The following ROS1 variants were observed in gnomAD, a reference collection of about 807,000 sequenced individuals.
ROS1 encodes the protein ROS proto-oncogene 1, receptor tyrosine kinase.
Under a neutral mutation model 273.5 loss-of-function variants are expected in ROS1, and 263 were observed. The ratio of observed to expected loss-of-function variants is 0.96; its 90% CI spans 0.87 to 1.06. ROS1 has a LOEUF of 1.06. Among genes scored for constraint, ROS1 ranks in the 50% least tolerant of loss-of-function variants. The probability of loss-of-function intolerance (pLI) is 0.00; values close to 1 mark genes in which losing one functional copy is unlikely to be tolerated. For missense variants in ROS1, 2,833 were observed against 2,751.1 expected (o/e 1.03, Z -0.67); for synonymous variants, 1,008 against 954.1 (o/e 1.06, Z -1.04).
At chr6:117,323,771 C>T (rs2128572765) in intron 35 of ROS1, among the ~76,000 whole-genome samples, 1 of 152,192 alleles carries the variant, frequency 6.6e-6, no homozygotes, top group Admixed American at 6.6e-5. Flanking sequence ...TTTCTGCCTT[C>T]CTGGTCATTT....
At chr6:117,314,068 AG>A (rs1339020014) in intron 39 of ROS1, among the ~76,000 whole-genome samples, 3 of 151,900 alleles carry the variant, frequency 2.0e-5, no homozygotes, top group Admixed American at 1.3e-4. Context: ...TTTTTTTTTC[AG>A]TCCATCCTTT....
chr6:117,341,225 A>G lies in ROS1; in HGVS notation c.4971T>C (p.Tyr1657=), dbSNP rs754717204. The change falls in exon 31 of 44, where the codon TAT becomes TAC. Residue 1657 remains tyrosine (Y), a synonymous_variant. Coordinates refer to ENST00000368507, the MANE Select transcript of ROS1 (RefSeq NM_001378902.1). ...AACTAGTGTTCTCTGGAACCAAGGA[A>G]TAAGGTTTCTCTGGTGTGTTAAACA... ...VEMFNTPEKP[Y]SLVPENTSLQ... is the part of the protein sequence containing the mutation. 6.2e-7 allele frequency: 1 copy of G among 1,613,450 alleles called. No individual in the cohort carries two copies. Among genetic ancestry groups the G allele is most frequent in the Non-Finnish European group, 8.5e-7 (1 of 1,179,490 alleles).
intron 31 of ROS1, 133 bp downstream of exon 31, chr6:117,341,002 G>T: frequency 1.6e-6 from 1 of 623,396 alleles, no homozygotes; most frequent in South Asian, 2.3e-5. Context: ...CACTGCTTCT[G>T]CATGCCAAAC....
rs145788522 is a variant in ROS1 at position 117,341,210 on chromosome 6, C to A, written c.4986G>T (p.Glu1662Asp). The A allele has an allele frequency of 6.2e-7, 1 of 1,613,494 alleles. No individual in the cohort carries two copies. ...TPEKPYSLVP[E>D]NTSLQFNWKA... ...TCCAATTAAATTGCAAACTAGTGTT[C>A]TCTGGAACCAAGGAATAAGGTTTCT... is the stretch of plus-strand genomic sequence containing the variant. The change falls in exon 31 of 44, where the codon GAG (glutamate) becomes GAT (aspartate). Residue 1662 changes from glutamate to aspartate, a missense_variant. Transcript: ENST00000368507.
chr6:117,366,073 T>C lies in ROS1; in HGVS notation c.2797+3A>G, dbSNP rs753625754. 1 of 1,608,488 alleles carries C rather than the reference T, an allele frequency of 6.2e-7. No homozygotes were observed. The highest frequency in any genetic ancestry group is 8.5e-7 in the Non-Finnish European group (1 of 1,174,940). On this transcript the variant is annotated splice_donor_region_variant and intron_variant, in intron 19 of 43. Coordinates refer to ENST00000368507, the MANE Select transcript of ROS1 (RefSeq NM_001378902.1). ...TAGGGTAAGCAGGAATGAAATACTGTACCTGGCAGGGGCTTAAGGGATGTC... is the reference window on the plus strand; with the variant it reads ...TAGGGTAAGCAGGAATGAAATACTGCACCTGGCAGGGGCTTAAGGGATGTC...
intron 18 of ROS1, among the ~76,000 whole-genome samples, chr6:117,376,494 T>A (rs905231365): frequency 7.2e-5 from 11 of 152,092 alleles, no homozygotes; most frequent in Admixed American, 5.2e-4. Flanking sequence ...CCTAAGTCAT[T>A]TTTGAGACTA....
chr6:117,296,271 C>T (rs894065374), intron 43 of ROS1, among the ~76,000 whole-genome samples: 34 of 152,020 alleles, frequency 2.2e-4, no homozygotes, highest in African/African-American at 7.2e-4. Flanking sequence ...CGTGGTGGCA[C>T]GTGCCTGTAG....
chr6:117,401,675 T>C lies in ROS1; in HGVS notation c.604+1464A>G, dbSNP rs184234013. ...CTCCATAAGGGTTAGGATTTTATCA[T>C]CTTTAGTTCCTAGAACAATGTCTGG... On this transcript the variant is annotated intron_variant, in intron 7 of 43. Coordinates refer to ENST00000368507, the MANE Select transcript of ROS1 (RefSeq NM_001378902.1). Among the ~76,000 whole-genome samples, 476 of 152,266 alleles carry C rather than the reference T, an allele frequency of 3.1e-3. 5 individuals carry two copies. The highest frequency in any genetic ancestry group is 0.011 in the African/African-American group (443 of 41,562).
At chr6:117,394,060 G>T in intron 11 of ROS1, 102 bp downstream of exon 11, 2 of 669,970 alleles carry the variant, frequency 3.0e-6, no homozygotes, top group Non-Finnish European at 4.7e-6. Context: ...AAATACTTGA[G>T]TATGTATTGA....
At chr6:117,317,024 CT>C in intron 39 of ROS1, 118 bp downstream of exon 39, 1 of 1,057,140 alleles carries the variant, frequency 9.5e-7, no homozygotes, top group Non-Finnish European at 1.3e-6. Context: ...CAGAATAATT[CT>C]TTCCATGTAA....
At chr6:117,400,508 A>C (rs1773851076) in intron 7 of ROS1, among the ~76,000 whole-genome samples, 1 of 152,240 alleles carries the variant, frequency 6.6e-6, no homozygotes, top group Non-Finnish European at 1.5e-5. Flanking sequence ...GCTCAGATAA[A>C]GTTATATTCT....
In ROS1 at chr6:117,357,945, A is replaced by C. The variant is rs765579396; in HGVS notation, c.3698T>G (p.Leu1233Arg). ...VITIDWISRH[L>R]YFALKESQNG... ...TTGTGATTCTTTCAGTGCAAAGTAG[A>C]GGTGCCTTGAAATCCAGTCAATTGT... The change falls in exon 25 of 44, where the codon CTC becomes CGC. Residue 1233 changes from leucine to arginine, a missense_variant. Transcript: ENST00000368507. The C allele has an allele frequency of 1.2e-6, 2 of 1,613,736 alleles. No individual in the cohort carries two copies. Among genetic ancestry groups the C allele is most frequent in the African/African-American group, 2.7e-5 (2 of 75,064 alleles).
intron 28 of ROS1, among the ~76,000 whole-genome samples, chr6:117,343,103 C>T (rs889559175): frequency 6.6e-6 from 1 of 150,578 alleles, no homozygotes; most frequent in Non-Finnish European, 1.5e-5. Flanking sequence ...TTTTTTAAAG[C>T]TTCGATGTGC....
chr6:117,358,806 C>T (rs988845879), intron 24 of ROS1, among the ~76,000 whole-genome samples: 1 of 152,070 alleles, frequency 6.6e-6, no homozygotes, highest in African/African-American at 2.4e-5. Flanking sequence ...TCCTTTCTCA[C>T]CTCATGCTCA....
chr6:117,349,331 T>C (rs915452894), intron 27 of ROS1, among the ~76,000 whole-genome samples: 5 of 152,090 alleles, frequency 3.3e-5, no homozygotes, highest in African/African-American at 1.2e-4. Context: ...GTAATGTCCC[T>C]CTTTATCCCT....
Position 117,397,044 on chromosome 6 carries a change from G to T in ROS1, c.677C>A (p.Pro226Gln), listed in dbSNP as rs752174345. 7.4e-6 allele frequency: 12 copies of T among 1,613,538 alleles called. 1 individual carries two copies. The highest frequency in any genetic ancestry group is 6.7e-5 in the African/African-American group (5 of 74,852). Residue 226 changes from proline (P) to glutamine (Q), a missense_variant, in exon 8 of 44, where the codon CCA (proline) becomes CAA (glutamine). Transcript: ENST00000368507. ...AATAGGTCCACCTGGGAATTGAGGT[G>T]GATCCCAGCTGACTTCCACAGTGTC... ...SPDTVEVSWD[P>Q]PQFPGGPILG...
chr6:117,307,472 G>C (rs1412123851), intron 42 of ROS1, among the ~76,000 whole-genome samples: 1 of 152,086 alleles, frequency 6.6e-6, no homozygotes, highest in Non-Finnish European at 1.5e-5. Context: ...AATTTATTTT[G>C]TATTTAGGTA....
At chr6:117,345,325 T>G (rs1328572782) in intron 27 of ROS1, among the ~76,000 whole-genome samples, 1 of 152,244 alleles carries the variant, frequency 6.6e-6, no homozygotes, top group African/African-American at 2.4e-5. Context: ...GGAAGCCCTT[T>G]CTGCCTTCCT....
intron 43 of ROS1, among the ~76,000 whole-genome samples, chr6:117,294,898 C>T (rs577908451): frequency 5.9e-5 from 9 of 152,162 alleles, no homozygotes; most frequent in African/African-American, 1.9e-4. Context: ...AAGTTGTCTA[C>T]AAATTCAATG....
Sources: gnomAD v4.1 joint callset for allele counts (sites outside exome capture counted in the v4.1 genomes callset) on GRCh38, gnomAD v4.1.1 for gene constraint, MANE v1.5 for transcripts, NCBI Gene and HGNC (gene_info 2026-07-23, HGNC 2026-07-21) for gene names.